The following MCUR1 variants were observed in gnomAD, a reference collection of about 807,000 sequenced individuals.
MCUR1 encodes the protein mitochondrial calcium uniporter regulator 1.
Under a neutral mutation model 42.0 loss-of-function variants are expected in MCUR1, and 37 were observed. The observed-to-expected ratio is 0.88, with a 90% confidence interval of 0.68 to 1.16. MCUR1 has a LOEUF of 1.16. Ranked by LOEUF, MCUR1 falls within the 50% of genes most tolerant of loss-of-function variation. The pLI is 0.00. For synonymous variants in MCUR1, 229 were observed against 196.2 expected, an observed-to-expected ratio of 1.17 and a Z score of -1.40; for missense variants, 469 against 468.4, an observed-to-expected ratio of 1.00 and a Z score of -0.01.
chr6:13,803,154 C>T (rs936468154), intron 2 of MCUR1, among the ~76,000 whole-genome samples: 14 of 152,122 alleles, frequency 9.2e-5, no homozygotes, highest in African/African-American at 2.9e-4. Context: ...CTCCACCTCC[C>T]GGGTTCAAGC....
intron 1 of MCUR1, among the ~76,000 whole-genome samples, chr6:13,810,667 T>A (rs145300482): frequency 1.3e-3 from 205 of 152,354 alleles, no homozygotes; most frequent in African/African-American, 4.6e-3. Flanking sequence ...GACGCTTTGC[T>A]GCAGCCTATG....
At chr6:13,806,193 A>C (rs1760108277) in intron 2 of MCUR1, among the ~76,000 whole-genome samples, 1 of 152,160 alleles carries the variant, frequency 6.6e-6, no homozygotes, top group South Asian at 2.1e-4. Context: ...TGGAGGTTGC[A>C]GTGAGCCGAG....
chr6:13,796,179 AT>A (rs962701841), intron 6 of MCUR1, among the ~76,000 whole-genome samples: 1 of 152,232 alleles, frequency 6.6e-6, no homozygotes, highest in African/African-American at 2.4e-5. Flanking sequence ...TCTGCAAAAT[AT>A]TATAAGCTTT....
At chr6:13,796,348 C>T (rs536820361) in intron 6 of MCUR1, among the ~76,000 whole-genome samples, 107 of 147,966 alleles carry the variant, frequency 7.2e-4, no homozygotes, top group Middle Eastern at 3.5e-3. Context: ...AGTGCAGTGG[C>T]GTGATCTCGG....
rs555102271 is a variant in MCUR1 at position 13,799,472 on chromosome 6, C to T, written c.784-568G>A. Among the ~76,000 whole-genome samples the T allele has an allele frequency of 5.9e-5, 9 of 152,252 alleles. No individual in the cohort carries two copies. In the South Asian group the frequency reaches 8.3e-4, roughly 14 times the overall value. ...TGCTGGGAGTACTGGCGTGAGCCAT[C>T]GCGCCCGGCCTGTTGCTGCTTTTAA... is the stretch of plus-strand genomic sequence containing the variant. On this transcript the variant is annotated intron_variant, in intron 5 of 8. Transcript: ENST00000379170.
At chr6:13,798,336 G>A (rs1458663176) in intron 6 of MCUR1, among the ~76,000 whole-genome samples, 1 of 152,084 alleles carries the variant, frequency 6.6e-6, no homozygotes, top group Admixed American at 6.5e-5. Context: ...CTGACCTTAG[G>A]TGATCTGCCC....
Position 13,789,566 on chromosome 6 carries a change from G to C in MCUR1, c.*1243C>G, listed in dbSNP as rs1478444963. ...CCATTCTCGAATTTTGAAAGCCTGA[G>C]CTGGTTGTGGGCAAGGGGATATTCA... On this transcript the variant is annotated 3_prime_UTR_variant, in exon 9 of 9. Coordinates refer to ENST00000379170, the MANE Select transcript of MCUR1 (RefSeq NM_001031713.4). 2.0e-5 allele frequency: 3 copies of C among 152,204 alleles called. No individual in the cohort carries two copies. Among genetic ancestry groups the C allele is most frequent in the Admixed American group, 1.3e-4 (2 of 15,282 alleles). The allele number at this position is 152,204 out of a possible 1,614,324, so 9.4% of individuals were successfully genotyped here.
Position 13,814,134 on chromosome 6 carries a change from T to G in MCUR1, c.296A>C (p.Tyr99Ser). 1 of 1,285,560 alleles carries G rather than the reference T, an allele frequency of 7.8e-7. No individual in the cohort carries two copies. Among genetic ancestry groups the G allele is most frequent in the Non-Finnish European group, 9.8e-7 (1 of 1,021,818 alleles). 79.6% of individuals were successfully genotyped at this position (1,285,560 alleles called of 1,614,324 possible). Residue 99 changes from tyrosine (Y) to serine (S), a missense_variant, in exon 1 of 9, where the codon TAT becomes TCT. Coordinates refer to ENST00000379170, the MANE Select transcript of MCUR1 (RefSeq NM_001031713.4). Reference sequence around the variant, plus strand: ...GCTGCGCCCGGCCGGGGGTGCGGCATACCCGAGGCGCGAGCGCTCCCAGTC... The same window carrying G: ...GCTGCGCCCGGCCGGGGGTGCGGCAGACCCGAGGCGCGAGCGCTCCCAGTC... ...LGDWERSRLG[Y>S]AAPPAGRSSA...
Position 13,790,265 on chromosome 6 carries a change from G to A in MCUR1, c.*544C>T, listed in dbSNP as rs745429729. On this transcript the variant is annotated 3_prime_UTR_variant, in exon 9 of 9. Coordinates refer to ENST00000379170, the MANE Select transcript of MCUR1 (RefSeq NM_001031713.4). Reference sequence around the variant, plus strand: ...CCAAGCTTCCTGGTCCGGCTAAGTGGAATCTTCCATGCACTGTGCACCACT... The same window carrying A: ...CCAAGCTTCCTGGTCCGGCTAAGTGAAATCTTCCATGCACTGTGCACCACT... 1 of 152,336 alleles carries A rather than the reference G, an allele frequency of 6.6e-6. No individual in the cohort carries two copies. Among genetic ancestry groups the A allele is most frequent in the Non-Finnish European group, 1.5e-5 (1 of 68,144 alleles). 9.4% of individuals were successfully genotyped at this position (152,336 alleles called of 1,614,324 possible). A position where few individuals can be genotyped will look rare whatever the true frequency, so the allele number is the denominator to read the frequency against.
At chr6:13,795,168 A>G (rs1249372735) in intron 6 of MCUR1, among the ~76,000 whole-genome samples, 1 of 152,100 alleles carries the variant, frequency 6.6e-6, no homozygotes, top group Non-Finnish European at 1.5e-5. Context: ...AAAAACAAAA[A>G]CAAAAAACCC....
intron 8 of MCUR1, 114 bp from the exon 9 acceptor site, chr6:13,790,978 G>T: frequency 1.4e-6 from 1 of 704,034 alleles, no homozygotes; most frequent in Non-Finnish European, 2.4e-6. Context: ...ATTGCTCACT[G>T]ATGTCCCATA....
At chr6:13,813,072 C>T (rs1202364984) in intron 1 of MCUR1, among the ~76,000 whole-genome samples, 1 of 152,176 alleles carries the variant, frequency 6.6e-6, no homozygotes, top group Admixed American at 6.5e-5. Flanking sequence ...TTCAGATTGC[C>T]TCTAGTATTC....
At chr6:13,795,098 T>C (rs1299301010) in intron 6 of MCUR1, among the ~76,000 whole-genome samples, 1 of 148,506 alleles carries the variant, frequency 6.7e-6, no homozygotes, top group Non-Finnish European at 1.5e-5. Context: ...AATATTCTCC[T>C]GGGACTACTG....
intron 2 of MCUR1, among the ~76,000 whole-genome samples, chr6:13,806,385 T>A (rs565465461): frequency 6.6e-5 from 10 of 152,238 alleles, no homozygotes; most frequent in Non-Finnish European, 1.3e-4. Context: ...AACTATCACT[T>A]CTGTGCTTCA....
intron 6 of MCUR1, among the ~76,000 whole-genome samples, chr6:13,796,753 T>A (rs995967087): frequency 6.6e-6 from 1 of 152,198 alleles, no homozygotes; most frequent in Non-Finnish European, 1.5e-5. Flanking sequence ...TTAAAATGAC[T>A]CCATATAAAA....
intron 6 of MCUR1, among the ~76,000 whole-genome samples, chr6:13,795,157 C>G (rs1017119136): frequency 6.7e-6 from 1 of 149,588 alleles, no homozygotes; most frequent in African/African-American, 2.5e-5. Context: ...GAAAGAGAAA[C>G]AAAAACAAAA....
chr6:13,800,697 A>G (rs1033010607), intron 4 of MCUR1, among the ~76,000 whole-genome samples: 1 of 152,206 alleles, frequency 6.6e-6, no homozygotes, highest in Non-Finnish European at 1.5e-5. Context: ...AACAACCTAG[A>G]GAGTCTGAAA....
At chr6:13,793,438 AG>A (rs1481544030) in intron 7 of MCUR1, among the ~76,000 whole-genome samples, 2 of 152,232 alleles carry the variant, frequency 1.3e-5, no homozygotes, top group African/African-American at 4.8e-5. Flanking sequence ...AGCCTTAAAA[AG>A]GAAGAAAGTC....
At chr6:13,798,281 CAG>C (rs1561731469) in intron 6 of MCUR1, among the ~76,000 whole-genome samples, 1 of 151,656 alleles carries the variant, frequency 6.6e-6, no homozygotes, top group Non-Finnish European at 1.5e-5. Flanking sequence ...ATTTTTAGTA[CAG>C]ACAGGGTTTC....
Sources: allele counts gnomAD v4.1 joint callset (sites outside exome capture counted in the v4.1 genomes callset), GRCh38; gene constraint gnomAD v4.1.1; transcripts MANE v1.5; gene names NCBI Gene and HGNC (gene_info 2026-07-23, HGNC 2026-07-21).